The following CCDC181 variants were observed in gnomAD, a reference collection of about 807,000 sequenced individuals.
CCDC181 encodes coiled-coil domain-containing protein 181.
A neutral mutation model predicts 58.7 loss-of-function variants in CCDC181; 35 were observed. That is an observed-to-expected ratio of 0.60 (90% confidence interval 0.46 to 0.79). The LOEUF (loss-of-function observed/expected upper bound fraction) is 0.79, where lower values mean the gene tolerates loss of function less well. Among genes scored for constraint, CCDC181 ranks in the 30% least tolerant of loss-of-function variants. The probability of loss-of-function intolerance (pLI) is 0.00; values close to 1 mark genes in which losing one functional copy is unlikely to be tolerated. For synonymous variants in CCDC181, 183 were observed against 197.5 expected (o/e 0.93, Z 0.62); for missense variants, 517 against 583.9 (o/e 0.89, Z 1.18).
At chr1:169,423,579 A>G (rs1360558150) in intron 2 of CCDC181, among the ~76,000 whole-genome samples, 1 of 152,078 alleles carries the variant, frequency 6.6e-6, no homozygotes, top group African/African-American at 2.4e-5. Context: ...AAGATTCATA[A>G]CAGCACTTTT....
chr1:169,435,315 G>A (rs1657029464), intron 2 of CCDC181, among the ~76,000 whole-genome samples: 1 of 152,094 alleles, frequency 6.6e-6, no homozygotes, highest in African/African-American at 2.4e-5. Context: ...TTTGCCTAGG[G>A]CTGGAACAAA....
upstream of CCDC181, among the ~76,000 whole-genome samples, chr1:169,430,668 GA>G (rs35082762): frequency 0.5 from 74,478 of 148,226 alleles, 19,828 homozygotes; most frequent in Non-Finnish European, 0.6. Context: ...CAAAGAATTG[GA>G]AAAAAAAAAA....
chr1:169,418,898 G>T, intron 4 of CCDC181, 115 bp downstream of exon 4: 1 of 786,128 alleles, frequency 1.3e-6, no homozygotes, highest in Non-Finnish European at 2.0e-6. Context: ...GGTAGTTCTT[G>T]AACAACTTTT....
chr1:169,406,516 AG>A (rs1655664723), intron 4 of CCDC181, among the ~76,000 whole-genome samples: 1 of 152,204 alleles, frequency 6.6e-6, no homozygotes, highest in Non-Finnish European at 1.5e-5. Context: ...ATGAAGCTGG[AG>A]ACCATCATTC....
chr1:169,407,731 G>A (rs551023073), intron 4 of CCDC181, among the ~76,000 whole-genome samples: 11 of 152,252 alleles, frequency 7.2e-5, no homozygotes, highest in East Asian at 1.9e-4. Context: ...TGAGGCACTC[G>A]GCTCATCTCA....
chr1:169,457,401 C>G (rs945885196), intron 2 of CCDC181, among the ~76,000 whole-genome samples: 1 of 152,044 alleles, frequency 6.6e-6, no homozygotes, highest in Non-Finnish European at 1.5e-5. Flanking sequence ...TTAACCTCTT[C>G]TTATATTTTT....
At chr1:169,403,634 A>C (rs1015360997) in intron 4 of CCDC181, among the ~76,000 whole-genome samples, 1 of 152,262 alleles carries the variant, frequency 6.6e-6, no homozygotes, top group South Asian at 2.1e-4. Flanking sequence ...CACAACATAC[A>C]AGAATCTCTG....
intron 2 of CCDC181, among the ~76,000 whole-genome samples, chr1:169,458,678 T>C (rs1442564072): frequency 6.6e-6 from 1 of 152,174 alleles, no homozygotes; most frequent in African/African-American, 2.4e-5. Context: ...ATTTCTGTGA[T>C]TTCATCTTTT....
At chr1:169,444,369 G>A (rs539884518) in intron 2 of CCDC181, among the ~76,000 whole-genome samples, 19 of 152,108 alleles carry the variant, frequency 1.2e-4, no homozygotes, top group African/African-American at 2.2e-4. Context: ...TGTTATCCTC[G>A]CATTAATTTT....
intron 2 of CCDC181, among the ~76,000 whole-genome samples, chr1:169,436,410 A>G (rs901112588): frequency 4.6e-5 from 7 of 152,018 alleles, no homozygotes; most frequent in African/African-American, 1.7e-4. Flanking sequence ...GCCATACCCC[A>G]TCTTGCTTTT....
chr1:169,416,153 G>T (rs1332500775), intron 4 of CCDC181, among the ~76,000 whole-genome samples: 1 of 150,970 alleles, frequency 6.6e-6, no homozygotes, highest in Admixed American at 6.6e-5. Context: ...TCCATGGGTT[G>T]CACAGTTCTG....
intron 2 of CCDC181, among the ~76,000 whole-genome samples, chr1:169,458,187 TTGTTTTG>T (rs1657731825): frequency 1.5e-5 from 2 of 136,888 alleles, no homozygotes; most frequent in East Asian, 2.0e-4. Flanking sequence ...TTTTTTTTTT[TTGTTTTG>T]TTTTTTTTGC....
intron 4 of CCDC181, among the ~76,000 whole-genome samples, chr1:169,398,024 G>A (rs561165609): frequency 4.6e-5 from 7 of 152,182 alleles, no homozygotes; most frequent in African/African-American, 1.4e-4. Flanking sequence ...TGCCAAATAT[G>A]CTCTAGTCTA....
intron 2 of CCDC181, among the ~76,000 whole-genome samples, chr1:169,440,072 T>G (rs1657170997): frequency 6.6e-6 from 1 of 152,156 alleles, no homozygotes; most frequent in Admixed American, 6.5e-5. Context: ...CAGGAATGCC[T>G]GTTCCCATTT....
intron 2 of CCDC181, among the ~76,000 whole-genome samples, chr1:169,435,425 A>G (rs1452632529): frequency 6.6e-6 from 1 of 152,192 alleles, no homozygotes; most frequent in Non-Finnish European, 1.5e-5. Context: ...TACAAGAAGT[A>G]TTAATGGAAT....
chr1:169,418,944 ACT>A, intron 4 of CCDC181, 67 bp downstream of exon 4: 1 of 1,295,532 alleles, frequency 7.7e-7, no homozygotes, highest in Non-Finnish European at 1.1e-6. Context: ...TGATATCCAG[ACT>A]CCCTTCTATA....
intron 3 of CCDC181, among the ~76,000 whole-genome samples, chr1:169,420,957 G>T (rs75555148): frequency 0.015 from 2,218 of 152,220 alleles, 59 homozygotes; most frequent in African/African-American, 0.05. Context: ...GCAAATAAAA[G>T]AATTATAGTC....
intron 4 of CCDC181, among the ~76,000 whole-genome samples, chr1:169,413,230 TAAG>T (rs1656056780): frequency 6.6e-6 from 1 of 152,142 alleles, no homozygotes; most frequent in Non-Finnish European, 1.5e-5. Context: ...GACAATTCTC[TAAG>T]AAGACATTTA....
At chr1:169,442,604 C>A (rs1657261932) in intron 2 of CCDC181, 1 of 152,068 alleles carries the variant, frequency 6.6e-6, no homozygotes, top group Admixed American at 6.5e-5. Flanking sequence ...TGTTAATGCA[C>A]ATTCATTTAT....
Sources: allele counts gnomAD v4.1 joint callset (sites outside exome capture counted in the v4.1 genomes callset), GRCh38; gene constraint gnomAD v4.1.1; transcripts MANE v1.5; gene names NCBI Gene and HGNC (gene_info 2026-07-23, HGNC 2026-07-21).